Variants in IGFBPL1 observed in about 807,000 individuals in gnomAD.
IGFBPL1 encodes insulin like growth factor binding protein like 1, also known as insulin-like growth factor-binding protein-like 1.
IGFBPL1 carries 20 observed loss-of-function variants against 23.9 expected under a neutral mutation model. The ratio of observed to expected loss-of-function variants is 0.84; its 90% CI spans 0.59 to 1.22. The LOEUF (loss-of-function observed/expected upper bound fraction) is 1.22. Among genes scored for constraint, IGFBPL1 ranks in the 50% most tolerant of loss-of-function variants. The pLI, the probability that IGFBPL1 is intolerant of heterozygous loss-of-function variation, is 0.00. For synonymous variants in IGFBPL1, 184 were observed against 171.8 expected (o/e 1.07, Z -0.56); for missense variants, 436 against 379.3 (o/e 1.15, Z -1.24).
Position 38,414,219 on chromosome 9 carries a change from A to G in IGFBPL1, c.461-16T>C. On this transcript the variant is annotated splice_polypyrimidine_tract_variant and intron_variant, in intron 1 of 4. Transcript: ENST00000377694. ...ACCACAGGAGCTAGGAGGAGGAGAC[A>G]AGGAGACGCAGCCTTTACCCTGCAG... The G allele has an allele frequency of 1.3e-6, 2 of 1,513,844 alleles. No individual in the cohort carries two copies. Among genetic ancestry groups the G allele is most frequent in the East Asian group, 2.3e-5 (1 of 44,180 alleles). 93.8% of individuals were successfully genotyped at this position (1,513,844 alleles called of 1,614,324 possible).
chr9:38,419,562 A>G (rs1821645341), intron 1 of IGFBPL1, among the ~76,000 whole-genome samples: 1 of 152,166 alleles, frequency 6.6e-6, no homozygotes, highest in Non-Finnish European at 1.5e-5. Flanking sequence ...GCCAGGGCTC[A>G]ATGCCCTGGC....
At chr9:38,422,832 T>C (rs911946611) in intron 1 of IGFBPL1, among the ~76,000 whole-genome samples, 3 of 152,150 alleles carry the variant, frequency 2.0e-5, no homozygotes, top group African/African-American at 7.2e-5. Context: ...CCTGAACTAC[T>C]TGAGAGGAAA....
At position 38,414,141 on chromosome 9, in the gene IGFBPL1, A is replaced by T. The variant is rs769492465; in HGVS notation, c.523T>A (p.Ser175Thr). Residue 175 changes from serine (S) to threonine (T), a missense_variant, in exon 2 of 5, where the codon TCC becomes ACC. Coordinates refer to ENST00000377694, the MANE Select transcript of IGFBPL1 (RefSeq NM_001007563.3). ...GTAGGCACAGCCCTCACTTCACAGG[A>T]CAGGCCCACCTGCGCCCCGGTGACG... ...HNVTGAQVGL[S>T]CEVRAVPTPV... The T allele has an allele frequency of 1.2e-6, 2 of 1,612,836 alleles. No individual in the cohort carries two copies. Among genetic ancestry groups the T allele is most frequent in the Admixed American group, 1.7e-5 (1 of 59,830 alleles).
intron 3 of IGFBPL1, among the ~76,000 whole-genome samples, chr9:38,412,886 C>G (rs1358607870): frequency 1.3e-5 from 2 of 152,172 alleles, no homozygotes; most frequent in Non-Finnish European, 2.9e-5. Flanking sequence ...CTTAAAGACC[C>G]ACCTTTAAAT....
Position 38,408,334 on chromosome 9 carries a change from G to A in IGFBPL1, c.*893C>T, listed in dbSNP as rs1411799513. Among the ~76,000 whole-genome samples, 1 of 151,726 alleles carries A rather than the reference G, an allele frequency of 6.6e-6. No individual in the cohort carries two copies. The highest frequency in any genetic ancestry group is 1.5e-5 in the Non-Finnish European group (1 of 67,940). On this transcript the variant is annotated 3_prime_UTR_variant, in exon 5 of 5. Coordinates refer to ENST00000377694, the MANE Select transcript of IGFBPL1 (RefSeq NM_001007563.3). ...TCCCAGCTACTCAGGAGGCTGAGGT[G>A]GAACGATCACTCGAGCCCAGAAAGT...
rs1357355438 is a variant in IGFBPL1 at position 38,424,120 on chromosome 9, C to T, written c.305G>A (p.Gly102Asp). 7.0e-6 allele frequency: 9 copies of T among 1,278,550 alleles called. No individual in the cohort carries two copies. The African/African-American group carries it at 7.8e-5, about 11-fold the overall frequency. 79.2% of individuals were successfully genotyped at this position (1,278,550 alleles called of 1,614,324 possible). A position where few individuals can be genotyped will look rare whatever the true frequency, so the allele number is the denominator to read the frequency against. The stretch of plus-strand genomic sequence containing the variant: ...CTGCGCGCACACGCAGAGCCCGGTG[C>T]CCTCGGGCGCTGCCCCAGCGGCCTG... Reference protein sequence around the residue: ...ASQAAGAAPEGTGLCVCAQRG... With the variant: ...ASQAAGAAPEDTGLCVCAQRG... The change falls in exon 1 of 5, where the codon GGC (glycine) becomes GAC (aspartate). Residue 102 changes from glycine (G) to aspartate (D), a missense_variant. Transcript: ENST00000377694.
intron 1 of IGFBPL1, among the ~76,000 whole-genome samples, chr9:38,418,392 G>A (rs1449596484): frequency 1.3e-5 from 2 of 152,184 alleles, no homozygotes; most frequent in African/African-American, 4.8e-5. Context: ...AGGAACAATT[G>A]CAAGACCCCT....
rs1231715010 is a variant in IGFBPL1, at chr9:38,408,904, TAA to T, written c.*321_*322del. 2 of 152,230 alleles carry T rather than the reference TAA, an allele frequency of 1.3e-5. No individual in the cohort carries two copies. Among genetic ancestry groups the T allele is most frequent in the Non-Finnish European group, 2.9e-5 (2 of 68,016 alleles). The allele number at this position is 152,230 out of a possible 1,614,324, so 9.4% of individuals were successfully genotyped here. ...ACTAATAGGTCATAGACAAATGAGG[TAA>T]AGAGTCACAGCTGACACGAGCCCTT... On this transcript the variant is annotated 3_prime_UTR_variant, in exon 5 of 5. Coordinates refer to ENST00000377694, the MANE Select transcript of IGFBPL1 (RefSeq NM_001007563.3).
intron 3 of IGFBPL1, among the ~76,000 whole-genome samples, chr9:38,412,835 AC>A (rs1821532497): frequency 1.3e-5 from 2 of 152,064 alleles, no homozygotes; most frequent in South Asian, 4.2e-4. Flanking sequence ...ACATCGAATC[AC>A]TTCAGTCTGC....
intron 2 of IGFBPL1, among the ~76,000 whole-genome samples, chr9:38,413,581 T>C (rs1188568694): frequency 2.0e-5 from 3 of 152,124 alleles, no homozygotes; most frequent in Non-Finnish European, 4.4e-5. Flanking sequence ...ATCACCACCA[T>C]CCCACAGAAA....
intron 3 of IGFBPL1, among the ~76,000 whole-genome samples, chr9:38,412,471 T>A (rs905656139): frequency 6.6e-6 from 1 of 152,192 alleles, no homozygotes; most frequent in Non-Finnish European, 1.5e-5. Flanking sequence ...GCATTCTTCA[T>A]CTTGGTAAAA....
At position 38,406,837 on chromosome 9, in the gene IGFBPL1, C is replaced by T. The variant is rs1821437106; in HGVS notation, c.*2390G>A. Among the ~76,000 whole-genome samples the T allele has an allele frequency of 6.6e-6, 1 of 152,246 alleles. No individual in the cohort carries two copies. On this transcript the variant is annotated 3_prime_UTR_variant, in exon 5 of 5. Transcript: ENST00000377694. ...TGATGATGCTAAAGCCAGCCCCATACAGTCCTGATGCTCAGTACTTCCAGC... is the reference window on the plus strand; with the variant it reads ...TGATGATGCTAAAGCCAGCCCCATATAGTCCTGATGCTCAGTACTTCCAGC...
chr9:38,415,698 A>C (rs1036442917), intron 1 of IGFBPL1, among the ~76,000 whole-genome samples: 1 of 152,184 alleles, frequency 6.6e-6, no homozygotes, highest in African/African-American at 2.4e-5. Context: ...CTACGGAGCC[A>C]GGCCATTCTG....
rs1821438021 is a variant in IGFBPL1, at chr9:38,406,941, T to C, written c.*2286A>G. On this transcript the variant is annotated 3_prime_UTR_variant, in exon 5 of 5. Transcript: ENST00000377694. ...CTAGGCAAATCTGAGGTGAGTCAACTGAGTTTGCAAAATGTGCTTATTAGC... is the reference window on the plus strand; with the variant it reads ...CTAGGCAAATCTGAGGTGAGTCAACCGAGTTTGCAAAATGTGCTTATTAGC... Among the ~76,000 whole-genome samples the C allele has an allele frequency of 6.6e-6, 1 of 152,204 alleles. No homozygotes were observed. The highest frequency in any genetic ancestry group is 2.4e-5 in the African/African-American group (1 of 41,452).
rs1182596278 is a variant in IGFBPL1 at position 38,408,956 on chromosome 9, G to A, written c.*271C>T. On this transcript the variant is annotated 3_prime_UTR_variant, in exon 5 of 5. Coordinates refer to ENST00000377694, the MANE Select transcript of IGFBPL1 (RefSeq NM_001007563.3). ...TTCGAAATTGCAAACATGCCGTTCTGTGATCTCCCTGGAAGAGAATAATTA... is the reference window on the plus strand; with the variant it reads ...TTCGAAATTGCAAACATGCCGTTCTATGATCTCCCTGGAAGAGAATAATTA... 2.0e-5 allele frequency: 3 copies of A among 152,244 alleles called. No homozygotes were observed. The highest frequency in any genetic ancestry group is 6.5e-5 in the Admixed American group (1 of 15,288). The allele number at this position is 152,244 out of a possible 1,614,324, so 9.4% of individuals were successfully genotyped here. A position where few individuals can be genotyped will look rare whatever the true frequency, so the allele number is the denominator to read the frequency against.
chr9:38,419,872 T>G (rs1238960328), intron 1 of IGFBPL1, among the ~76,000 whole-genome samples: 1 of 118,386 alleles, frequency 8.4e-6, no homozygotes, highest in Non-Finnish European at 1.9e-5. Context: ...CCCCTCCTCC[T>G]CCTCCTCCTC....
In IGFBPL1 at chr9:38,406,634, T is replaced by C. The variant is rs1821433617; in HGVS notation, c.*2593A>G. On this transcript the variant is annotated 3_prime_UTR_variant, in exon 5 of 5. Transcript: ENST00000377694. ...TTTGGTGCGGGGAGTGGGGGCATTG[T>C]AATTACGTCTCCAAATGCTAACAGC... 1.3e-5 allele frequency among the ~76,000 whole-genome samples: 2 copies of C among 152,188 alleles called. No homozygotes were observed. Among genetic ancestry groups the C allele is most frequent in the African/African-American group, 4.8e-5 (2 of 41,436 alleles).
intron 1 of IGFBPL1, among the ~76,000 whole-genome samples, chr9:38,421,480 A>G (rs1378968471): frequency 1.3e-5 from 2 of 152,030 alleles, no homozygotes; most frequent in Non-Finnish European, 2.9e-5. Context: ...AGAGGCATGT[A>G]TAAGGGCCCT....
At chr9:38,419,059 C>A (rs985494876) in intron 1 of IGFBPL1, among the ~76,000 whole-genome samples, 5 of 151,348 alleles carry the variant, frequency 3.3e-5, no homozygotes, top group Admixed American at 2.0e-4. Flanking sequence ...TGAAAGGGAT[C>A]AATATTATTA....
Sources: gnomAD v4.1 joint callset for allele counts (sites outside exome capture counted in the v4.1 genomes callset) on GRCh38, gnomAD v4.1.1 for gene constraint, MANE v1.5 for transcripts, NCBI Gene and HGNC (gene_info 2026-07-23, HGNC 2026-07-21) for gene names.